RAB38: variants seen among roughly 807,000 people sequenced by gnomAD.
The protein encoded by RAB38 is RAB38, member RAS oncogene family, also known as ras-related protein Rab-38.
In RAB38, 15 loss-of-function variants were observed where a neutral mutation model predicts 18.4. That is an observed-to-expected ratio of 0.82 (90% CI 0.55 to 1.26). The LOEUF is 1.26. Among genes scored for constraint, RAB38 ranks in the 50% most tolerant of loss-of-function variants. RAB38 has a pLI of 0.00. For missense variants in RAB38, 294 were observed against 267.4 expected (o/e 1.10, Z -0.69); for synonymous variants, 101 against 104.4 (o/e 0.97, Z 0.20).
At chr11:87,922,099 A>G in the RAB38 span, among the ~76,000 whole-genome samples, 148 of 152,154 alleles carry the variant, frequency 9.7e-4, 1 homozygote, top group South Asian at 7.2e-3. Flanking sequence ...GTTTCATGAC[A>G]GCGTCTAACT....
the RAB38 span, among the ~76,000 whole-genome samples, chr11:87,966,215 A>C: frequency 6.6e-6 from 1 of 152,160 alleles, no homozygotes; most frequent in Admixed American, 6.5e-5. Context: ...GGATAGGTTA[A>C]TTTCATATAA....
chr11:87,912,050 G>C, the RAB38 span, among the ~76,000 whole-genome samples: 27 of 151,674 alleles, frequency 1.8e-4, no homozygotes, highest in East Asian at 5.1e-3. Context: ...CACATTTCTG[G>C]GATAAACTTG....
chr11:87,865,204 A>G, the RAB38 span, among the ~76,000 whole-genome samples: 1,976 of 151,772 alleles, frequency 0.013, 79 homozygotes, highest in Admixed American at 0.073. Context: ...CCATATACTC[A>G]TGCCTGGAAC....
At chr11:87,968,285 C>G in the RAB38 span, among the ~76,000 whole-genome samples, 7 of 152,016 alleles carry the variant, frequency 4.6e-5, no homozygotes, top group African/African-American at 1.2e-4. Flanking sequence ...TCTCAGAGGC[C>G]GTTAATTGTC....
At chr11:87,956,589 G>A in the RAB38 span, among the ~76,000 whole-genome samples, 2 of 152,048 alleles carry the variant, frequency 1.3e-5, no homozygotes, top group Non-Finnish European at 2.9e-5. Context: ...CTTGTCCACT[G>A]GGGTCTGGGA....
the RAB38 span, among the ~76,000 whole-genome samples, chr11:88,086,662 C>A: frequency 1.3e-5 from 2 of 151,776 alleles, no homozygotes; most frequent in East Asian, 3.9e-4. Flanking sequence ...CTCAACACAC[C>A]AGTAAATGAA....
At chr11:87,889,999 A>G in the RAB38 span, among the ~76,000 whole-genome samples, 1 of 151,810 alleles carries the variant, frequency 6.6e-6, no homozygotes, top group African/African-American at 2.4e-5. Context: ...AGAATATTGT[A>G]TGTATTATTT....
the RAB38 span, among the ~76,000 whole-genome samples, chr11:87,929,089 TG>T: frequency 6.6e-6 from 1 of 152,112 alleles, no homozygotes; most frequent in African/African-American, 2.4e-5. Context: ...CCCTCCAGCC[TG>T]GGCAACAAAG....
intron 2 of RAB38, among the ~76,000 whole-genome samples, chr11:88,136,981 G>A (rs1455996326): frequency 6.6e-6 from 1 of 152,210 alleles, no homozygotes; most frequent in South Asian, 2.1e-4. Context: ...GCATACCCCT[G>A]TAGGTGATAT....
chr11:87,868,746 T>C, the RAB38 span, among the ~76,000 whole-genome samples: 1 of 151,820 alleles, frequency 6.6e-6, no homozygotes, highest in East Asian at 2.0e-4. Context: ...ATGCTAGTTG[T>C]TGGGGACATA....
the RAB38 span, among the ~76,000 whole-genome samples, chr11:87,942,914 C>A: frequency 6.6e-6 from 1 of 152,116 alleles, no homozygotes; most frequent in Non-Finnish European, 1.5e-5. Flanking sequence ...ATGAGAGGAC[C>A]ATGACTTGCT....
chr11:87,928,102 AAAAGAAAG>A, the RAB38 span, among the ~76,000 whole-genome samples: 12 of 151,880 alleles, frequency 7.9e-5, no homozygotes, highest in African/African-American at 2.9e-4. Flanking sequence ...AAAAGACAAG[AAAAGAAAG>A]AAAGAAAGAA....
the RAB38 span, among the ~76,000 whole-genome samples, chr11:88,049,418 G>A: frequency 0.031 from 4,635 of 151,402 alleles, 109 homozygotes; most frequent in Middle Eastern, 0.068. Flanking sequence ...CCCCCACTGA[G>A]CACCTTGTGA....
chr11:87,832,909 C>T, the RAB38 span, among the ~76,000 whole-genome samples: 1 of 151,964 alleles, frequency 6.6e-6, no homozygotes, highest in Admixed American at 6.6e-5. Context: ...GGTGGGGGGA[C>T]GGAGGACATT....
chr11:87,819,628 A>T, the RAB38 span, among the ~76,000 whole-genome samples: 1 of 150,890 alleles, frequency 6.6e-6, no homozygotes, highest in Non-Finnish European at 1.5e-5. Context: ...TTTGTCTCTC[A>T]GTTAATTGAA....
the RAB38 span, among the ~76,000 whole-genome samples, chr11:87,942,849 G>A: frequency 6.6e-5 from 10 of 152,104 alleles, no homozygotes; most frequent in South Asian, 6.2e-4. Context: ...AATCATTCTC[G>A]CTTTTCATAG....
chr11:88,149,009 C>T (rs1230203876), intron 2 of RAB38, among the ~76,000 whole-genome samples: 1 of 151,972 alleles, frequency 6.6e-6, no homozygotes, highest in Non-Finnish European at 1.5e-5. Context: ...CCTGACATAT[C>T]AGATGGCAAC....
the RAB38 span, among the ~76,000 whole-genome samples, chr11:88,104,258 T>C: frequency 6.6e-6 from 1 of 152,110 alleles, no homozygotes; most frequent in Non-Finnish European, 1.5e-5. Flanking sequence ...TCCTTCTTAA[T>C]TGATCTCCTT....
chr11:88,024,263 G>C, the RAB38 span, among the ~76,000 whole-genome samples: 1 of 151,986 alleles, frequency 6.6e-6, no homozygotes, highest in Non-Finnish European at 1.5e-5. Flanking sequence ...ATATACAAAT[G>C]GTAAACAGGG....
Sources: allele counts gnomAD v4.1 joint callset (sites outside exome capture counted in the v4.1 genomes callset), GRCh38; gene constraint gnomAD v4.1.1; transcripts MANE v1.5; gene names NCBI Gene and HGNC (gene_info 2026-07-23, HGNC 2026-07-21).